SCNN1G: variants seen among roughly 807,000 people sequenced by gnomAD.
The protein encoded by SCNN1G is sodium channel epithelial 1 subunit gamma.
A neutral mutation model predicts 64.6 loss-of-function variants in SCNN1G; 27 were observed. The observed-to-expected ratio is 0.42, with a 90% CI of 0.31 to 0.58. The LOEUF (loss-of-function observed/expected upper bound fraction) is 0.58, where lower values mean the gene tolerates loss of function less well. SCNN1G is among the 20% of genes least tolerant of loss of function. SCNN1G has a pLI of 0.18. For synonymous variants in SCNN1G, 330 were observed against 314.2 expected (o/e 1.05, Z -0.53); for missense variants, 743 against 823.4 (o/e 0.90, Z 1.19).
chr16:23,206,062 G>C (rs1021004915), intron 6 of SCNN1G, among the ~76,000 whole-genome samples: 1 of 152,200 alleles, frequency 6.6e-6, no homozygotes, highest in South Asian at 2.1e-4. Flanking sequence ...AGCTGAGCCT[G>C]GGAAACCAGC....
rs751484642 is a variant in SCNN1G at position 23,192,562 on chromosome 16, C to G, written c.809+20C>G. The G allele has an allele frequency of 1.9e-6, 3 of 1,598,902 alleles. No individual in the cohort carries two copies. The highest frequency in any genetic ancestry group is 1.7e-5 in the Admixed American group (1 of 59,004). On this transcript the variant is annotated intron_variant, in intron 4 of 12. Transcript: ENST00000300061. ...TGCCAGGTCAGGAGAGAATGCTGCT[C>G]TCTCAGCCTCTAAGGACTGGCAGCT...
At chr16:23,204,130 T>A (rs1959937642) in intron 6 of SCNN1G, among the ~76,000 whole-genome samples, 1 of 150,308 alleles carries the variant, frequency 6.7e-6, no homozygotes, top group Admixed American at 6.7e-5. Flanking sequence ...AATATAAAAA[T>A]TAGCCAGCCG....
Position 23,197,272 on chromosome 16 carries a change from G to A in SCNN1G, c.922G>A (p.Val308Ile), listed in dbSNP as rs1218055261. 6.2e-7 allele frequency: 1 copy of A among 1,613,802 alleles called. No homozygotes were observed. Among genetic ancestry groups the A allele is most frequent in the Non-Finnish European group, 8.5e-7 (1 of 1,179,944 alleles). Residue 308 changes from valine to isoleucine, a missense_variant, in exon 6 of 13, where the codon GTC (valine) becomes ATC (isoleucine). Transcript: ENST00000300061. Reference protein sequence around the residue: ...SMGGSEYGLQVILYINEEEYN... With the variant: ...SMGGSEYGLQIILYINEEEYN... ...TTGTCTTATCCTCCCAGGGCTGCAAGTCATTTTGTACATAAACGAAGAGGA... is the reference window on the plus strand; with the variant it reads ...TTGTCTTATCCTCCCAGGGCTGCAAATCATTTTGTACATAAACGAAGAGGA...
intron 1 of SCNN1G, among the ~76,000 whole-genome samples, chr16:23,186,003 G>C (rs1352486862): frequency 6.6e-6 from 1 of 152,202 alleles, no homozygotes; most frequent in Non-Finnish European, 1.5e-5. Context: ...CCTGGGGGCC[G>C]TAAGAGAAGT....
Position 23,212,890 on chromosome 16 carries a change from C to T in SCNN1G, c.1427C>T (p.Ser476Leu), listed in dbSNP as rs1277905719. ...CTGGCACAATGGCCATCTGTGGTTT[C>T]GGAGGTAAGTTCTTCTGCCCACCCT... The part of the protein sequence containing the change: ...TSLAQWPSVV[S>L]EKWLLPVLTW... Residue 476 changes from serine to leucine, a missense_variant, in exon 10 of 13, where the codon TCG becomes TTG. Transcript: ENST00000300061. 20 of 1,613,756 alleles carry T rather than the reference C, an allele frequency of 1.2e-5. No homozygotes were observed. Among genetic ancestry groups the T allele is most frequent in the South Asian group, 3.3e-5 (3 of 91,066 alleles).
intron 4 of SCNN1G, among the ~76,000 whole-genome samples, chr16:23,193,942 G>T (rs1959753010): frequency 6.8e-6 from 1 of 146,288 alleles, no homozygotes; most frequent in African/African-American, 2.6e-5. Context: ...ATGAAGGTGA[G>T]AAGATTCCGA....
chr16:23,201,739 A>G (rs1959893014), intron 6 of SCNN1G, among the ~76,000 whole-genome samples: 1 of 152,208 alleles, frequency 6.6e-6, no homozygotes, highest in African/African-American at 2.4e-5. Flanking sequence ...TGTCCAAAGC[A>G]CTGAATATTA....
chr16:23,212,490 A>G (rs1003031844), intron 8 of SCNN1G, among the ~76,000 whole-genome samples, 188 bp from the exon 9 acceptor site: 1 of 144,550 alleles, frequency 6.9e-6, no homozygotes, highest in Non-Finnish European at 1.6e-5. Context: ...CCTTCAACTC[A>G]CATCCTCAAC....
intron 12 of SCNN1G, 108 bp from the exon 13 acceptor site, chr16:23,214,981 T>G: frequency 1.5e-6 from 2 of 1,349,258 alleles, no homozygotes; most frequent in Non-Finnish European, 2.1e-6. Context: ...CCTCCCAGCC[T>G]GTGCAGGGTC....
At position 23,197,259 on chromosome 16, in the gene SCNN1G, C is replaced by G; in HGVS notation, c.914-5C>G. Reference sequence around the variant, plus strand: ...GGATCACAGCAGGTTGTCTTATCCTCCCAGGGCTGCAAGTCATTTTGTACA... The same window carrying G: ...GGATCACAGCAGGTTGTCTTATCCTGCCAGGGCTGCAAGTCATTTTGTACA... On this transcript the variant is annotated splice_polypyrimidine_tract_variant and splice_region_variant and intron_variant, in intron 5 of 12. Transcript: ENST00000300061. 6.2e-7 allele frequency: 1 copy of G among 1,613,036 alleles called. No individual in the cohort carries two copies. Among genetic ancestry groups the G allele is most frequent in the Non-Finnish European group, 8.5e-7 (1 of 1,179,572 alleles).
In SCNN1G at chr16:23,212,776, T is replaced by A; in HGVS notation, c.1373+20T>A. ...CTGCAGGTATGTGGACCCCAAGGGG[T>A]GAGACGGGTGGCTGGGTTGGGTTGG... On this transcript the variant is annotated intron_variant, in intron 9 of 12. Coordinates refer to ENST00000300061, the MANE Select transcript of SCNN1G (RefSeq NM_001039.4). 1 of 1,613,714 alleles carries A rather than the reference T, an allele frequency of 6.2e-7. No individual in the cohort carries two copies. The highest frequency in any genetic ancestry group is 8.5e-7 in the Non-Finnish European group (1 of 1,179,676).
At chr16:23,207,659 C>T (rs1448593503) in intron 6 of SCNN1G, among the ~76,000 whole-genome samples, 3 of 152,208 alleles carry the variant, frequency 2.0e-5, no homozygotes, top group Non-Finnish European at 2.9e-5. Context: ...CTAGTGCGGG[C>T]ACCCTGGGAA....
In SCNN1G at chr16:23,215,279, G is replaced by A; in HGVS notation, c.1760G>A (p.Ser587Asn). ...QAPPCPEAPR[S>N]PQGQDNPALD... is the part of the protein sequence containing the mutation. ...CCCCCATGTCCAGAAGCTCCCCGTA[G>A]CCCACAGGGCCAGGACAATCCAGCC... is the stretch of plus-strand genomic sequence containing the variant. Residue 587 changes from serine to asparagine, a missense_variant, in exon 13 of 13, where the codon AGC (serine) becomes AAC (asparagine). Transcript: ENST00000300061. 1 of 1,614,188 alleles carries A rather than the reference G, an allele frequency of 6.2e-7. No homozygotes were observed. The highest frequency in any genetic ancestry group is 8.5e-7 in the Non-Finnish European group (1 of 1,180,030).
chr16:23,206,312 G>T (rs1210868539), intron 6 of SCNN1G, among the ~76,000 whole-genome samples: 2 of 152,326 alleles, frequency 1.3e-5, no homozygotes, highest in East Asian at 3.9e-4. Flanking sequence ...TGGTTGGAAG[G>T]TCTCAAGGTT....
rs975279442 is a variant in SCNN1G at position 23,215,311 on chromosome 16, A to G, written c.1792A>G (p.Ile598Val). The G allele has an allele frequency of 1.7e-5, 27 of 1,614,102 alleles. No individual in the cohort carries two copies. Among genetic ancestry groups the G allele is most frequent in the African/African-American group, 4.0e-5 (3 of 74,950 alleles). ...PQGQDNPALD[I>V]DDDLPTFNSA... Reference sequence around the variant, plus strand: ...GGGCCAGGACAATCCAGCCCTGGATATAGACGATGACCTACCCACTTTCAA... The same window carrying G: ...GGGCCAGGACAATCCAGCCCTGGATGTAGACGATGACCTACCCACTTTCAA... The change falls in exon 13 of 13, where the codon ATA becomes GTA. Residue 598 changes from isoleucine (I) to valine (V), a missense_variant. By Grantham distance (29) the Ile-to-Val change is conservative. Transcript: ENST00000300061.
intron 6 of SCNN1G, among the ~76,000 whole-genome samples, chr16:23,205,567 G>T (rs1458060532): frequency 1.3e-5 from 2 of 152,024 alleles, no homozygotes; most frequent in Non-Finnish European, 2.9e-5. Flanking sequence ...AGGCATGGAG[G>T]CACACACCTA....
At chr16:23,205,059 C>T (rs918850540) in intron 6 of SCNN1G, among the ~76,000 whole-genome samples, 1 of 152,100 alleles carries the variant, frequency 6.6e-6, no homozygotes, top group African/African-American at 2.4e-5. Flanking sequence ...GTGACCCACC[C>T]GCCTCAGCCT....
At chr16:23,209,269 A>G (rs752511410) in intron 6 of SCNN1G, among the ~76,000 whole-genome samples, 3 of 152,152 alleles carry the variant, frequency 2.0e-5, no homozygotes, top group Non-Finnish European at 4.4e-5. Flanking sequence ...CTGTGACTAC[A>G]GGTGTGTGTC....
chr16:23,213,532 G>A (rs753922387), intron 11 of SCNN1G, among the ~76,000 whole-genome samples: 17 of 152,070 alleles, frequency 1.1e-4, no homozygotes, highest in Non-Finnish European at 2.1e-4. Flanking sequence ...GATTATAGGC[G>A]TGAGCCACCA....
Sources: gnomAD v4.1 joint callset for allele counts (sites outside exome capture counted in the v4.1 genomes callset) on GRCh38, gnomAD v4.1.1 for gene constraint, MANE v1.5 for transcripts, NCBI Gene and HGNC (gene_info 2026-07-23, HGNC 2026-07-21) for gene names.